The following OSER1 variants were observed in gnomAD, a reference collection of about 807,000 sequenced individuals.
OSER1 encodes oxidative stress-responsive serine-rich protein 1.
Under a neutral mutation model 26.3 loss-of-function variants are expected in OSER1, and 15 were observed. The ratio of observed to expected loss-of-function variants is 0.57; its 90% confidence interval spans 0.38 to 0.88. The LOEUF (loss-of-function observed/expected upper bound fraction) is 0.88, where lower values mean the gene tolerates loss of function less well. Among genes scored for constraint, OSER1 ranks in the 40% least tolerant of loss-of-function variants. The pLI is 0.00. For synonymous variants in OSER1, 127 were observed against 128.2 expected, an observed-to-expected ratio of 0.99 and a Z score of 0.07; for missense variants, 313 against 353.9, an observed-to-expected ratio of 0.88 and a Z score of 0.93.
chr20:44,203,783 A>C (rs866721140), intron 2 of OSER1, among the ~76,000 whole-genome samples: 8 of 152,086 alleles, frequency 5.3e-5, no homozygotes, highest in African/African-American at 1.9e-4. Context: ...AGAAAGCGAC[A>C]TTAATCTACT....
rs541621531 is a variant in OSER1 at position 44,208,152 on chromosome 20, A to G, written c.-41-1154T>C. Among the ~76,000 whole-genome samples, 141 of 116,106 alleles carry G rather than the reference A, an allele frequency of 1.2e-3. 1 individual carries two copies. The highest frequency in any genetic ancestry group is 4.6e-3 in the African/African-American group (137 of 29,922). The allele number at this position is 116,106 out of a possible 152,430, so 76.2% of individuals were successfully genotyped here. A position where few individuals can be genotyped will look rare whatever the true frequency, so the allele number is the denominator to read the frequency against. On this transcript the variant is annotated intron_variant, in intron 1 of 3. Transcript: ENST00000255174. ...CCTCTTGGGCATTCTCAGAGGGAGC[A>G]GTGCCTCTCCAACGGCCCTTGGGTC... is the stretch of plus-strand genomic sequence containing the variant.
intron 3 of OSER1, among the ~76,000 whole-genome samples, chr20:44,201,034 A>ACAGT (rs3841683): frequency 0.3 from 46,200 of 151,788 alleles, 10,500 homozygotes; most frequent in African/African-American, 0.63. Flanking sequence ...AAAGCAAAGT[A>ACAGT]CAGTCTTCTG....
rs932500740 is a variant in OSER1, at chr20:44,195,959, G to T, written c.*1093C>A. Among the ~76,000 whole-genome samples the T allele has an allele frequency of 6.6e-6, 1 of 152,160 alleles. No homozygotes were observed. The highest frequency in any genetic ancestry group is 1.5e-5 in the Non-Finnish European group (1 of 68,040). On this transcript the variant is annotated 3_prime_UTR_variant, in exon 4 of 4. Transcript: ENST00000255174. Reference sequence around the variant, plus strand: ...CGCAGTTTTAGTAAATAGTATAAATGTATTTTGTAATTTAAACAAAAGCTT... The same window carrying T: ...CGCAGTTTTAGTAAATAGTATAAATTTATTTTGTAATTTAAACAAAAGCTT...
upstream of OSER1, among the ~76,000 whole-genome samples, chr20:44,211,632 CA>C (rs2073111522): frequency 6.6e-6 from 1 of 152,176 alleles, no homozygotes; most frequent in South Asian, 2.1e-4. Flanking sequence ...TTAGGCAGTT[CA>C]CCAAAGGAGA....
chr20:44,209,838 C>T (rs1027587734), intron 1 of OSER1, among the ~76,000 whole-genome samples: 1 of 152,088 alleles, frequency 6.6e-6, no homozygotes, highest in Non-Finnish European at 1.5e-5. Context: ...GACCTAAGAA[C>T]GATCAAGAAG....
chr20:44,207,678 A>G (rs2073051329), intron 1 of OSER1: 1 of 152,252 alleles, frequency 6.6e-6, no homozygotes, highest in Non-Finnish European at 1.5e-5. Flanking sequence ...CATTGTGCAC[A>G]TGAGTGGAAA....
chr20:44,200,284 C>T (rs2145923512), intron 3 of OSER1, among the ~76,000 whole-genome samples: 1 of 152,314 alleles, frequency 6.6e-6, no homozygotes, highest in East Asian at 1.9e-4. Context: ...GAAAGTAGAA[C>T]TGACCCTGGC....
intron 1 of OSER1, among the ~76,000 whole-genome samples, chr20:44,209,330 TCA>T (rs1043683483): frequency 2.0e-5 from 3 of 152,340 alleles, no homozygotes; most frequent in Admixed American, 6.5e-5. Flanking sequence ...ACTTTTTTTC[TCA>T]GTTATTTTAG....
At chr20:44,203,694 T>TCTCA (rs1555866749) in intron 2 of OSER1, among the ~76,000 whole-genome samples, 4 of 145,454 alleles carry the variant, frequency 2.8e-5, no homozygotes, top group East Asian at 2.0e-4. Flanking sequence ...CAGACTTTTT[T>TCTCA]CACACACACA....
intron 3 of OSER1, among the ~76,000 whole-genome samples, chr20:44,199,164 A>G (rs1009807438): frequency 6.6e-6 from 1 of 152,322 alleles, no homozygotes; most frequent in African/African-American, 2.4e-5. Context: ...GTGTCACCCA[A>G]AAGTTCATGT....
At chr20:44,204,354 T>C (rs1257917732) in intron 2 of OSER1, among the ~76,000 whole-genome samples, 1 of 152,246 alleles carries the variant, frequency 6.6e-6, no homozygotes, top group Non-Finnish European at 1.5e-5. Flanking sequence ...GAATGTATGA[T>C]ACACTACTAC....
chr20:44,206,188 G>T (rs373067453), intron 2 of OSER1, among the ~76,000 whole-genome samples: 168 of 152,250 alleles, frequency 1.1e-3, no homozygotes, highest in African/African-American at 3.6e-3. Context: ...TAATGATGAT[G>T]ATTATTACTT....
rs2072915730 is a variant in OSER1 at position 44,196,189 on chromosome 20, G to A, written c.*863C>T. On this transcript the variant is annotated 3_prime_UTR_variant, in exon 4 of 4. Coordinates refer to ENST00000255174, the MANE Select transcript of OSER1 (RefSeq NM_016470.8). ...TGACCAAATCTGTGGGATACAGAAT[G>A]TACAAAATTCTCTTTTAGGGTTGCT... is the stretch of plus-strand genomic sequence containing the variant. 6.6e-6 allele frequency among the ~76,000 whole-genome samples: 1 copy of A among 150,400 alleles called. No individual in the cohort carries two copies. Among genetic ancestry groups the A allele is most frequent in the Admixed American group, 6.7e-5 (1 of 14,942 alleles).
chr20:44,205,522 A>G (rs1177838650), intron 2 of OSER1, among the ~76,000 whole-genome samples: 1 of 152,236 alleles, frequency 6.6e-6, no homozygotes, highest in Non-Finnish European at 1.5e-5. Flanking sequence ...TTGATAGCCC[A>G]AAAATAGTAC....
In OSER1 at chr20:44,196,924, T is replaced by A. The variant is rs996051132; in HGVS notation, c.*128A>T. ...AGATTAACTGAGATGCCAAGAAAAG[T>A]TTTTATTGCAAGCACAGTGAGCAGA... is the stretch of plus-strand genomic sequence containing the variant. On this transcript the variant is annotated 3_prime_UTR_variant, in exon 4 of 4. Transcript: ENST00000255174. The A allele has an allele frequency of 1.0e-4, 67 of 660,698 alleles. No homozygotes were observed. In the Admixed American group the frequency reaches 1.6e-3, roughly 16 times the overall value. 40.9% of individuals were successfully genotyped at this position (660,698 alleles called of 1,614,324 possible).
chr20:44,202,980 A>G lies in OSER1; in HGVS notation c.172T>C (p.Ser58Pro). The G allele has an allele frequency of 1.2e-6, 2 of 1,605,316 alleles. No individual in the cohort carries two copies. The highest frequency in any genetic ancestry group is 1.7e-4 in the Middle Eastern group (1 of 6,052). The change falls in exon 3 of 4, where the codon TCT becomes CCT. Residue 58 changes from serine to proline, a missense_variant. Around this residue, in one of 2 missense-constraint regions of OSER1, gnomAD observed 300 missense variants for 318.3 expected, o/e 0.94. Transcript: ENST00000255174. ...TCTTACCCGTGCCAACTGTCTTTAG[A>G]TGCACATGTGGTTTTAGGTTTGGTA... ...DDTKPKTTCA[S>P]KDSWHGSTRK...
chr20:44,207,741 A>G (rs1243182620), intron 1 of OSER1: 1 of 152,256 alleles, frequency 6.6e-6, no homozygotes, highest in Non-Finnish European at 1.5e-5. Flanking sequence ...GTTGAAAGTA[A>G]AGAAAAAAAA....
rs2072932952 is a variant in OSER1 at position 44,197,536 on chromosome 20, C to G, written c.395G>C (p.Gly132Ala). 6.2e-7 allele frequency: 1 copy of G among 1,614,104 alleles called. No homozygotes were observed. ...AGCATCGAGAGAAGTAGAGCTTTCTCCTGCACTGAACTCTTTAGGGGATGA... is the reference window on the plus strand; with the variant it reads ...AGCATCGAGAGAAGTAGAGCTTTCTGCTGCACTGAACTCTTTAGGGGATGA... Reference protein sequence around the residue: ...GISSPKEFSAGESSTSLDANH... With the variant: ...GISSPKEFSAAESSTSLDANH... The change falls in exon 4 of 4, where the codon GGA (glycine) becomes GCA (alanine). Residue 132 changes from glycine to alanine, a missense_variant. By Grantham distance (60) the Gly-to-Ala change is moderately conservative (BLOSUM62 0). Around this residue, in one of 2 missense-constraint regions of OSER1, gnomAD observed 300 missense variants for 318.3 expected, o/e 0.94. Transcript: ENST00000255174.
Position 44,197,084 on chromosome 20 carries a change from T to C in OSER1, c.847A>G (p.Met283Val). ...TACATCATTTCTGCCATGTGGGACA[T>C]TTTCTTGGGAATATACAAGTAATAC... The part of the protein sequence containing the change: ...MEYYLYIPKK[M>V]SHMAEMMYT The change falls in exon 4 of 4, where the codon ATG becomes GTG. Residue 283 changes from methionine to valine, a missense_variant. Physicochemically the swap from Met to Val is conservative, Grantham distance 21 (BLOSUM62 1). This residue lies in a region of OSER1 where 13 missense variants were observed against 35.6 expected (regional missense o/e 0.37). Coordinates refer to ENST00000255174, the MANE Select transcript of OSER1 (RefSeq NM_016470.8). 3 of 1,612,556 alleles carry C rather than the reference T, an allele frequency of 1.9e-6. No homozygotes were observed. Among genetic ancestry groups the C allele is most frequent in the South Asian group, 1.1e-5 (1 of 91,058 alleles).
Sources: gnomAD v4.1 joint callset for allele counts (sites outside exome capture counted in the v4.1 genomes callset) on GRCh38, gnomAD v4.1.1 for gene constraint, gnomAD v4.1.1 regional missense constraint, MANE v1.5 for transcripts, NCBI Gene and HGNC (gene_info 2026-07-23, HGNC 2026-07-21) for gene names.